Variants in PTPRN2 observed in about 807,000 individuals in gnomAD.
PTPRN2 encodes the protein receptor-type tyrosine-protein phosphatase N2.
Under a neutral mutation model 118.8 loss-of-function variants are expected in PTPRN2, and 74 were observed. That is an observed-to-expected ratio of 0.62 (90% CI 0.52 to 0.76). PTPRN2 has a LOEUF of 0.76. Among genes scored for constraint, PTPRN2 ranks in the 30% least tolerant of loss-of-function variants. The pLI is 0.00. For missense variants in PTPRN2, 1,481 were observed against 1,394.4 expected, an observed-to-expected ratio of 1.06 and a Z score of -0.99; for synonymous variants, 641 against 608.0, an observed-to-expected ratio of 1.05 and a Z score of -0.80.
chr7:157,868,098 T>C lies in PTPRN2; in HGVS notation c.1788+30575A>G, dbSNP rs976104646. 2.6e-5 allele frequency among the ~76,000 whole-genome samples: 4 copies of C among 152,272 alleles called. No individual in the cohort carries two copies. The highest frequency in any genetic ancestry group is 6.5e-5 in the Admixed American group (1 of 15,294). ...CTGGGCAAGAGGCCCACATGCACCT[T>C]AGAAAGGGCCCGAAACAGTTCACGA... On this transcript the variant is annotated intron_variant, in intron 12 of 22. Transcript: ENST00000389418. The surrounding 1 kb of genome is among the most constrained non-coding windows in gnomAD (Gnocchi z 5.2).
At chr7:157,998,672 A>T (rs796288119) in intron 11 of PTPRN2, among the ~76,000 whole-genome samples, 1 of 151,986 alleles carries the variant, frequency 6.6e-6, no homozygotes, top group Non-Finnish European at 1.5e-5. Flanking sequence ...AAAATACAAA[A>T]ATTAGCTGGG....
At chr7:157,979,188 T>C (rs1166372498) in intron 11 of PTPRN2, among the ~76,000 whole-genome samples, 1 of 152,014 alleles carries the variant, frequency 6.6e-6, no homozygotes, top group Non-Finnish European at 1.5e-5. Context: ...AGATGGCTAA[T>C]GAATGTCTGC....
intron 2 of PTPRN2, among the ~76,000 whole-genome samples, chr7:158,325,365 CTTT>C (rs55975155): frequency 4.7e-5 from 7 of 150,204 alleles, no homozygotes; most frequent in East Asian, 2.0e-4. Flanking sequence ...ACTTATATGT[CTTT>C]TTTTTTTTAA....
At chr7:157,714,209 T>G (rs1182812740) in intron 12 of PTPRN2, among the ~76,000 whole-genome samples, 1 of 152,204 alleles carries the variant, frequency 6.6e-6, no homozygotes, top group Non-Finnish European at 1.5e-5. Flanking sequence ...AAAAACAATG[T>G]TTAAACCTGT....
At chr7:158,224,681 T>TA (rs1828618577) in intron 3 of PTPRN2, among the ~76,000 whole-genome samples, 1 of 152,176 alleles carries the variant, frequency 6.6e-6, no homozygotes, top group Admixed American at 6.5e-5. Context: ...AAAAAGTTCT[T>TA]AGACTTGACA....
chr7:157,839,403 GTGTGTT>G (rs1563159227), intron 12 of PTPRN2, among the ~76,000 whole-genome samples: 1 of 150,968 alleles, frequency 6.6e-6, no homozygotes, highest in Non-Finnish European at 1.5e-5. Context: ...TGTGTGTGGC[GTGTGTT>G]TGTGTTTGTG....
chr7:158,031,555 A>AT (rs1277995405), intron 11 of PTPRN2, among the ~76,000 whole-genome samples: 1 of 152,248 alleles, frequency 6.6e-6, no homozygotes, highest in Non-Finnish European at 1.5e-5. Flanking sequence ...TAAATGAAAA[A>AT]ATATAATCAT....
At chr7:157,879,381 GCA>G (rs149240774) in intron 12 of PTPRN2, among the ~76,000 whole-genome samples, 32 of 152,134 alleles carry the variant, frequency 2.1e-4, no homozygotes, top group East Asian at 1.9e-3. Flanking sequence ...ACGTGCATGT[GCA>G]CACACACACA....
chr7:157,743,609 CCTGG>C (rs2150966394), intron 12 of PTPRN2, among the ~76,000 whole-genome samples: 1 of 151,428 alleles, frequency 6.6e-6, no homozygotes, highest in East Asian at 1.9e-4. Flanking sequence ...GAGTTGGGCT[CCTGG>C]CAAGCCATGG....
chr7:157,615,523 C>T lies in PTPRN2; in HGVS notation c.2344+5839G>A, dbSNP rs1182161718. 2.1e-6 allele frequency: 1 copy of T among 471,096 alleles called. No individual in the cohort carries two copies. The highest frequency in any genetic ancestry group is 4.4e-6 in the Non-Finnish European group (1 of 227,064). The allele number at this position is 471,096 out of a possible 1,614,324, so 29.2% of individuals were successfully genotyped here. On this transcript the variant is annotated intron_variant, in intron 15 of 22. Transcript: ENST00000389418. The surrounding 1 kb of genome is among the most constrained non-coding windows in gnomAD (Gnocchi z 4.3). ...GGGACCTGGGGACGGCTGGGGTGACCCCATCGCAAGGCCGGGCCGTGGAAA... is the reference window on the plus strand; with the variant it reads ...GGGACCTGGGGACGGCTGGGGTGACTCCATCGCAAGGCCGGGCCGTGGAAA...
At chr7:157,817,637 A>G (rs1358760761) in intron 12 of PTPRN2, among the ~76,000 whole-genome samples, 1 of 152,268 alleles carries the variant, frequency 6.6e-6, no homozygotes, top group Non-Finnish European at 1.5e-5. Flanking sequence ...CCCGACCTGC[A>G]CAAAGCAGCA....
chr7:158,401,703 C>T (rs1237925503), intron 2 of PTPRN2, among the ~76,000 whole-genome samples: 1 of 152,194 alleles, frequency 6.6e-6, no homozygotes, highest in Non-Finnish European at 1.5e-5. Context: ...TCTGATAATG[C>T]ACAAAATTAT....
At chr7:158,524,681 C>T (rs1462548284) in intron 1 of PTPRN2, among the ~76,000 whole-genome samples, 1 of 152,138 alleles carries the variant, frequency 6.6e-6, no homozygotes, top group Non-Finnish European at 1.5e-5. Context: ...GTTTGGAAAT[C>T]AGGTTTTTGC....
intron 2 of PTPRN2, among the ~76,000 whole-genome samples, chr7:158,450,786 C>T (rs1648419774): frequency 1.3e-5 from 2 of 152,266 alleles, no homozygotes; most frequent in African/African-American, 4.8e-5. Flanking sequence ...CCTGGGGAGA[C>T]TGTAAACGAT....
At chr7:158,341,371 T>C (rs1426277604) in intron 2 of PTPRN2, among the ~76,000 whole-genome samples, 1 of 145,798 alleles carries the variant, frequency 6.9e-6, no homozygotes, top group Non-Finnish European at 1.5e-5. Context: ...CATGCAGACG[T>C]CACTCACACC....
intron 11 of PTPRN2, among the ~76,000 whole-genome samples, chr7:157,909,545 A>C (rs1026202056): frequency 3.3e-5 from 5 of 152,192 alleles, no homozygotes; most frequent in Non-Finnish European, 7.3e-5. Context: ...CACCTCCAAC[A>C]GCCCCCTCGC....
chr7:158,501,685 G>A (rs375528082), intron 1 of PTPRN2, among the ~76,000 whole-genome samples: 8 of 152,314 alleles, frequency 5.3e-5, no homozygotes, highest in Non-Finnish European at 1.2e-4. Context: ...CACCAAAGGC[G>A]CTGTCACAGC....
At chr7:157,828,264 T>C (rs1027811231) in intron 12 of PTPRN2, among the ~76,000 whole-genome samples, 7 of 152,218 alleles carry the variant, frequency 4.6e-5, no homozygotes, top group African/African-American at 1.7e-4. Flanking sequence ...ATGCCCCTGC[T>C]GTAGGCTGTA....
At chr7:158,105,361 G>A (rs965601897) in intron 10 of PTPRN2, among the ~76,000 whole-genome samples, 9 of 145,590 alleles carry the variant, frequency 6.2e-5, no homozygotes, top group East Asian at 2.1e-4. Context: ...CTGCATCCGA[G>A]CTCCATCCTC....
Sources: gnomAD v4.1 joint callset for allele counts (sites outside exome capture counted in the v4.1 genomes callset) on GRCh38, gnomAD v4.1.1 for gene constraint, Gnocchi (gnomAD v3.1) non-coding constraint, MANE v1.5 for transcripts, NCBI Gene and HGNC (gene_info 2026-07-23, HGNC 2026-07-21) for gene names.